Variants in ZNF462 observed in about 807,000 individuals in gnomAD.
ZNF462 encodes zinc finger protein 462, also known as zinc finger PBX1-interacting protein.
Under a neutral mutation model 201.9 loss-of-function variants are expected in ZNF462, and 10 were observed. That is an observed-to-expected ratio of 0.05 (90% confidence interval 0.03 to 0.08). ZNF462 has a LOEUF of 0.08. ZNF462 is among the 10% of genes least tolerant of loss of function. ZNF462 has a pLI of 1.00. For synonymous variants in ZNF462, 1,227 were observed against 1,193.3 expected (o/e 1.03, Z -0.58); for missense variants, 2,523 against 3,168.3 (o/e 0.80, Z 4.89).
At chr9:106,881,934 C>T (rs368299917) in intron 1 of ZNF462, among the ~76,000 whole-genome samples, 6 of 152,228 alleles carry the variant, frequency 3.9e-5, no homozygotes, top group South Asian at 4.1e-4. Context: ...TATTGCTACA[C>T]GACTAACTCC....
chr9:106,930,482 G>C lies in ZNF462; in HGVS notation c.5848-43G>C. ...TGCAAGAATAAATTCTGACAATTGA[G>C]GGAGGGCTCGGAGTACTGATGGCTA... On this transcript the variant is annotated intron_variant, in intron 3 of 12. Coordinates refer to ENST00000277225, the MANE Select transcript of ZNF462 (RefSeq NM_021224.6). The surrounding 1 kb of genome is among the most constrained non-coding windows in gnomAD (Gnocchi z 5.8). 1 of 1,600,666 alleles carries C rather than the reference G, an allele frequency of 6.2e-7. No homozygotes were observed. Among genetic ancestry groups the C allele is most frequent in the Non-Finnish European group, 8.5e-7 (1 of 1,170,106 alleles).
At chr9:106,864,098 CTCT>C (rs1827207588) in intron 1 of ZNF462, among the ~76,000 whole-genome samples, 1 of 126,242 alleles carries the variant, frequency 7.9e-6, no homozygotes, top group African/African-American at 3.0e-5. Flanking sequence ...CTCTCTCTCT[CTCT>C]CTCTCTCTCC....
chr9:106,894,611 A>T (rs1026041709), intron 1 of ZNF462, among the ~76,000 whole-genome samples: 7 of 152,202 alleles, frequency 4.6e-5, no homozygotes, highest in African/African-American at 1.4e-4. Flanking sequence ...AAACTCTTAA[A>T]TAAGTACTTT....
At chr9:106,882,927 T>G (rs1161027416) in intron 1 of ZNF462, among the ~76,000 whole-genome samples, 1 of 152,186 alleles carries the variant, frequency 6.6e-6, no homozygotes. Context: ...ATGTAGTGTT[T>G]CCTATCAATT....
intron 1 of ZNF462, among the ~76,000 whole-genome samples, chr9:106,918,131 TC>T (rs1221008109): frequency 6.6e-6 from 1 of 151,990 alleles, no homozygotes; most frequent in Non-Finnish European, 1.5e-5. Context: ...CACCTCGGCC[TC>T]CCAAAGTGCT....
chr9:106,976,811 G>A (rs539972717), intron 9 of ZNF462, among the ~76,000 whole-genome samples: 2 of 152,108 alleles, frequency 1.3e-5, no homozygotes, highest in Non-Finnish European at 2.9e-5. Context: ...AATCCTATGT[G>A]GTGGATGACT....
chr9:107,009,718 AG>A lies in ZNF462; in HGVS notation c.7313+53del. 1 of 548,070 alleles carries A rather than the reference AG, an allele frequency of 1.8e-6. No individual in the cohort carries two copies. 34.0% of individuals were successfully genotyped at this position (548,070 alleles called of 1,614,324 possible). On this transcript the variant is annotated intron_variant, in intron 12 of 12. Coordinates refer to ENST00000277225, the MANE Select transcript of ZNF462 (RefSeq NM_021224.6). This position sits in a 1 kb window ranked among gnomAD's most constrained non-coding sequence, Gnocchi z 6.1. ...CCTTTGTCCAAAGCAAGAGGTAGGGAGGGAGGGAGGGGCTCTTGTTTTGGTT... is the reference window on the plus strand; with the variant it reads ...CCTTTGTCCAAAGCAAGAGGTAGGGAGGAGGGAGGGGCTCTTGTTTTGGTT...
At position 106,935,737 on chromosome 9, in the gene ZNF462, A is replaced by G; in HGVS notation, c.6235+116A>G. The stretch of plus-strand genomic sequence containing the variant: ...TACACTTGAGAATGTTATTCTTGGG[A>G]TGGATGTATATTCAGTTTTATTTTT... On this transcript the variant is annotated intron_variant, in intron 6 of 12. Transcript: ENST00000277225. The surrounding 1 kb of genome is among the most constrained non-coding windows in gnomAD (Gnocchi z 4.1). The G allele has an allele frequency of 1.4e-6, 1 of 731,698 alleles. No individual in the cohort carries two copies. Among genetic ancestry groups the G allele is most frequent in the Non-Finnish European group, 2.2e-6 (1 of 463,328 alleles). 45.3% of individuals were successfully genotyped at this position (731,698 alleles called of 1,614,324 possible).
At chr9:106,899,241 G>T (rs7036304) in intron 1 of ZNF462, among the ~76,000 whole-genome samples, 6,718 of 54,984 alleles carry the variant, frequency 0.12, 375 homozygotes, top group African/African-American at 0.36. Flanking sequence ...TGTGTGTGTG[G>T]GGGGGGGGGG....
chr9:106,906,880 C>T (rs1829296032), intron 1 of ZNF462, among the ~76,000 whole-genome samples: 1 of 152,074 alleles, frequency 6.6e-6, no homozygotes, highest in Admixed American at 6.6e-5. Context: ...GTAGTTGTTT[C>T]TCTTACTTTG....
intron 5 of ZNF462, among the ~76,000 whole-genome samples, chr9:106,934,167 T>C (rs941328134): frequency 6.6e-5 from 10 of 152,114 alleles, no homozygotes; most frequent in Non-Finnish European, 8.8e-5. Flanking sequence ...GCCCCATTAT[T>C]ATCATCTTAT....
chr9:106,932,779 G>A lies in ZNF462; in HGVS notation c.6116+230G>A. Reference sequence around the variant, plus strand: ...TGCAGGCATTTTAAAAATGAGAATTGGAGGAATTGCTATGATTTACCCAAA... The same window carrying A: ...TGCAGGCATTTTAAAAATGAGAATTAGAGGAATTGCTATGATTTACCCAAA... On this transcript the variant is annotated intron_variant, in intron 5 of 12. Transcript: ENST00000277225. This position sits in a 1 kb window ranked among gnomAD's most constrained non-coding sequence, Gnocchi z 6.8. 2 of 608,918 alleles carry A rather than the reference G, an allele frequency of 3.3e-6. No homozygotes were observed. The highest frequency in any genetic ancestry group is 5.8e-6 in the Non-Finnish European group (2 of 347,502). 37.7% of individuals were successfully genotyped at this position (608,918 alleles called of 1,614,324 possible). A position where few individuals can be genotyped will look rare whatever the true frequency, so the allele number is the denominator to read the frequency against.
At position 106,962,670 on chromosome 9, in the gene ZNF462, C is replaced by G. The variant is rs554141386; in HGVS notation, c.6428-9335C>G. Among the ~76,000 whole-genome samples, 19 of 152,104 alleles carry G rather than the reference C, an allele frequency of 1.2e-4. No individual in the cohort carries two copies. The highest frequency in any genetic ancestry group is 4.1e-4 in the African/African-American group (17 of 41,528). ...TTGTTTTCTCAATCTATTCCCTGAT[C>G]ATATTTCAAGGTTTTGTTTTTACTC... On this transcript the variant is annotated intron_variant, in intron 7 of 12. Coordinates refer to ENST00000277225, the MANE Select transcript of ZNF462 (RefSeq NM_021224.6). This position sits in a 1 kb window ranked among gnomAD's most constrained non-coding sequence, Gnocchi z 4.6.
At chr9:106,908,508 T>C (rs1328782031) in intron 1 of ZNF462, among the ~76,000 whole-genome samples, 2 of 152,128 alleles carry the variant, frequency 1.3e-5, no homozygotes, top group Non-Finnish European at 2.9e-5. Flanking sequence ...TTTAATGATA[T>C]TAGATTTTCA....
At chr9:106,921,854 G>A (rs1276239646) in intron 1 of ZNF462, among the ~76,000 whole-genome samples, 1 of 152,158 alleles carries the variant, frequency 6.6e-6, no homozygotes. Flanking sequence ...AAAAGCTTGT[G>A]TATCTGGAAT....
intron 1 of ZNF462, among the ~76,000 whole-genome samples, chr9:106,908,927 ATATATATATATATATTTTTTTTTTTTTT>A (rs1564090754): frequency 1.2e-3 from 34 of 27,536 alleles, no homozygotes; most frequent in African/African-American, 7.1e-3. Flanking sequence ...ATATATATAT[ATATATATATATATATTTTTTTTTTTTTT>A]TTTTTTTTTT....
At chr9:106,931,449 T>G (rs1830423299) in intron 4 of ZNF462, among the ~76,000 whole-genome samples, 1 of 152,230 alleles carries the variant, frequency 6.6e-6, no homozygotes, top group Admixed American at 6.5e-5. Context: ...CGAACATATT[T>G]TTGTCATCTG....
At position 106,935,547 on chromosome 9, in the gene ZNF462, T is replaced by G; in HGVS notation, c.6161T>G (p.Phe2054Cys). The G allele has an allele frequency of 6.2e-7, 1 of 1,613,914 alleles. No individual in the cohort carries two copies. Among genetic ancestry groups the G allele is most frequent in the East Asian group, 2.2e-5 (1 of 44,870 alleles). Reference protein sequence around the residue: ...MQTHHGHHKPFRCKLCSFKSS... With the variant: ...MQTHHGHHKPCRCKLCSFKSS... ...ACCCACCACGGACACCATAAACCAT[T>G]CCGATGCAAACTCTGCTCCTTCAAG... The change falls in exon 6 of 13, where the codon TTC becomes TGC. Residue 2054 changes from phenylalanine (F) to cysteine (C), a missense_variant. By Grantham distance (205) the Phe-to-Cys change is radical. Around this residue, in one of 15 missense-constraint regions of ZNF462, gnomAD observed 138 missense variants for 146.3 expected, o/e 0.94. Coordinates refer to ENST00000277225, the MANE Select transcript of ZNF462 (RefSeq NM_021224.6). This position sits in a 1 kb window ranked among gnomAD's most constrained non-coding sequence, Gnocchi z 4.1.
At chr9:106,937,133 A>G (rs1003951075) in intron 6 of ZNF462, among the ~76,000 whole-genome samples, 2 of 152,200 alleles carry the variant, frequency 1.3e-5, no homozygotes, top group African/African-American at 2.4e-5. Context: ...GTGCTAACCC[A>G]AACATCTGGA....
Sources: allele counts gnomAD v4.1 joint callset (sites outside exome capture counted in the v4.1 genomes callset), GRCh38; gene constraint gnomAD v4.1.1; regional missense constraint gnomAD v4.1.1; non-coding constraint Gnocchi (gnomAD v3.1); transcripts MANE v1.5; gene names NCBI Gene and HGNC (gene_info 2026-07-23, HGNC 2026-07-21).